PROM1: variants seen among roughly 807,000 people sequenced by gnomAD.
PROM1 encodes prominin 1.
Under a neutral mutation model 116.9 loss-of-function variants are expected in PROM1, and 105 were observed. The observed-to-expected ratio is 0.90, with a 90% CI of 0.77 to 1.06. The LOEUF (loss-of-function observed/expected upper bound fraction) is 1.06, where lower values mean the gene tolerates loss of function less well. Ranked by LOEUF, PROM1 falls within the 50% of genes least tolerant of loss-of-function variation. PROM1 has a pLI of 0.00. For synonymous variants in PROM1, 393 were observed against 387.0 expected (o/e 1.02, Z -0.18); for missense variants, 1,122 against 1,045.2 (o/e 1.07, Z -1.01).
At chr4:15,970,048 A>G (rs1044911197) in intron 27 of PROM1, among the ~76,000 whole-genome samples, 2 of 149,930 alleles carry the variant, frequency 1.3e-5, no homozygotes, top group African/African-American at 4.9e-5. Context: ...TGCATCTTTG[A>G]ACTCCTGGGC....
rs762880254 is a variant in PROM1, at chr4:15,989,798, C to T, written c.2010G>A (p.Leu670=). The T allele has an allele frequency of 1.1e-5, 17 of 1,607,854 alleles. No individual in the cohort carries two copies. The highest frequency in any genetic ancestry group is 6.7e-5 in the South Asian group (6 of 89,782). Residue 670 remains leucine, a synonymous_variant, in exon 19 of 28, where the codon CTG becomes CTA. Coordinates refer to ENST00000447510, the MANE Select transcript of PROM1 (RefSeq NM_006017.3). Reference sequence around the variant, plus strand: ...TTTTAATAGTTTGTGCATCTCTTTTCAGGGAGTTCCTCAAATTTCCTGGGG... The same window carrying T: ...TTTTAATAGTTTGTGCATCTCTTTTTAGGGAGTTCCTCAAATTTCCTGGGG... The part of the protein sequence containing the change: ...SLPPGNLRNS[L]KRDAQTIKTI...
chr4:16,034,942 C>T (rs1343854724), intron 4 of PROM1, among the ~76,000 whole-genome samples: 1 of 152,138 alleles, frequency 6.6e-6, no homozygotes, highest in Non-Finnish European at 1.5e-5. Context: ...AGCCAAGTGC[C>T]CAGCACACAG....
chr4:16,006,713 A>G lies in PROM1; in HGVS notation c.1302-23T>C, dbSNP rs749884511. On this transcript the variant is annotated intron_variant, in intron 12 of 27. Transcript: ENST00000447510. Reference sequence around the variant, plus strand: ...CACCTGGAGAGGCAAGCACAGTGTTAGTATACATGACACAGGTGACGCCAC... The same window carrying G: ...CACCTGGAGAGGCAAGCACAGTGTTGGTATACATGACACAGGTGACGCCAC... 1.9e-6 allele frequency: 3 copies of G among 1,610,592 alleles called. No homozygotes were observed. In the Admixed American group the frequency reaches 5.0e-5, roughly 27 times the overall value.
chr4:15,994,105 A>T (rs538833233), intron 15 of PROM1, 34 bp from the exon 16 acceptor site: 1 of 1,612,890 alleles, frequency 6.2e-7, no homozygotes, highest in African/African-American at 1.3e-5. Context: ...AGGACCTAGA[A>T]AAGCTGTTGC....
intron 3 of PROM1, among the ~76,000 whole-genome samples, chr4:16,038,345 A>G (rs1274486096): frequency 6.6e-6 from 1 of 152,260 alleles, no homozygotes; most frequent in Non-Finnish European, 1.5e-5. Context: ...CTCATCCCTC[A>G]GCTAAAAGAA....
In PROM1 at chr4:15,969,179, T is replaced by C. The variant is rs910659868; in HGVS notation, c.*214A>G. ...AAGGGAGGGAGTCATCCTTGAATAGTGATGGACCATGGACTATAACGTGAT... is the reference window on the plus strand; with the variant it reads ...AAGGGAGGGAGTCATCCTTGAATAGCGATGGACCATGGACTATAACGTGAT... On this transcript the variant is annotated 3_prime_UTR_variant, in exon 28 of 28. Coordinates refer to ENST00000447510, the MANE Select transcript of PROM1 (RefSeq NM_006017.3). 6.6e-6 allele frequency: 1 copy of C among 152,182 alleles called. No homozygotes were observed. Among genetic ancestry groups the C allele is most frequent in the Admixed American group, 6.5e-5 (1 of 15,274 alleles). The allele number at this position is 152,182 out of a possible 1,614,324, so 9.4% of individuals were successfully genotyped here. A position where few individuals can be genotyped will look rare whatever the true frequency, so the allele number is the denominator to read the frequency against.
At chr4:16,065,221 T>G (rs1412858922) in intron 2 of PROM1, among the ~76,000 whole-genome samples, 1 of 152,228 alleles carries the variant, frequency 6.6e-6, no homozygotes, top group East Asian at 1.9e-4. Flanking sequence ...GCCTCCAAGC[T>G]ACTCCTCAGA....
chr4:16,021,693 T>C (rs1240950125), intron 8 of PROM1, among the ~76,000 whole-genome samples: 1 of 152,076 alleles, frequency 6.6e-6, no homozygotes, highest in East Asian at 1.9e-4. Context: ...CCTCCAGAGG[T>C]GCATGTGTTG....
chr4:15,987,144 G>A (rs1049828873), intron 20 of PROM1, among the ~76,000 whole-genome samples: 7 of 152,208 alleles, frequency 4.6e-5, no homozygotes, highest in African/African-American at 1.2e-4. Context: ...CCAATGGAAC[G>A]CTGGTGAAGG....
chr4:16,022,134 GGAAA>G lies in PROM1; in HGVS notation c.784+1188_784+1191del, dbSNP rs1730067563. On this transcript the variant is annotated intron_variant, in intron 8 of 27. Coordinates refer to ENST00000447510, the MANE Select transcript of PROM1 (RefSeq NM_006017.3). ...GGGAAGGAGGGAAGAAGGGAAGGAG[GGAAA>G]GAAAGAAAGGGAGGGAGGGAGGGAG... is the stretch of plus-strand genomic sequence containing the variant. 2.0e-5 allele frequency among the ~76,000 whole-genome samples: 3 copies of G among 149,492 alleles called. No homozygotes were observed. The South Asian group carries it at 6.5e-4, about 32-fold the overall frequency.
rs1560532624 is a variant in PROM1, at chr4:16,033,303, C to T, written c.509+1G>A. On this transcript the variant is annotated splice_donor_variant, in intron 5 of 27. Transcript: ENST00000447510. LOFTEE classifies it high-confidence loss of function. ...CAGTTGTTGTCCAATATTGTACTTG[C>T]CTTATTATTATACAAATCACCAACA... 2.5e-6 allele frequency: 4 copies of T among 1,608,676 alleles called. No homozygotes were observed. Among genetic ancestry groups the T allele is most frequent in the African/African-American group, 1.3e-5 (1 of 74,878 alleles).
chr4:16,001,095 T>C (rs1039401237), intron 13 of PROM1, among the ~76,000 whole-genome samples: 15 of 152,188 alleles, frequency 9.9e-5, no homozygotes, highest in African/African-American at 3.4e-4. Flanking sequence ...GCTGTTATCA[T>C]GGCCCATGAG....
intron 2 of PROM1, among the ~76,000 whole-genome samples, chr4:16,039,913 A>G (rs1734806852): frequency 6.6e-6 from 1 of 152,068 alleles, no homozygotes; most frequent in South Asian, 2.1e-4. Context: ...CTGAGCAGCC[A>G]TCTAAGAATG....
At chr4:16,054,391 A>G (rs1279276181) in intron 2 of PROM1, among the ~76,000 whole-genome samples, 1 of 152,172 alleles carries the variant, frequency 6.6e-6, no homozygotes, top group Admixed American at 6.5e-5. Context: ...GTGACCAAAC[A>G]CATATCTTGA....
At chr4:16,060,521 C>T (rs989982958) in intron 2 of PROM1, among the ~76,000 whole-genome samples, 2 of 151,934 alleles carry the variant, frequency 1.3e-5, no homozygotes, top group Non-Finnish European at 2.9e-5. Flanking sequence ...CGCCATGTTG[C>T]CCAGCTGGTC....
chr4:16,023,021 C>G (rs2149329850), intron 8 of PROM1, among the ~76,000 whole-genome samples: 1 of 152,234 alleles, frequency 6.6e-6, no homozygotes, highest in Admixed American at 6.5e-5. Context: ...CGAAAACGGC[C>G]ACAGATGATA....
At chr4:16,048,755 C>T (rs775398877) in intron 2 of PROM1, among the ~76,000 whole-genome samples, 7 of 152,146 alleles carry the variant, frequency 4.6e-5, no homozygotes, top group African/African-American at 1.2e-4. Flanking sequence ...ACATGCTGCC[C>T]GGGAAGCTAT....
At chr4:15,984,916 T>C (rs1164729945) in intron 22 of PROM1, among the ~76,000 whole-genome samples, 3 of 152,226 alleles carry the variant, frequency 2.0e-5, no homozygotes, top group African/African-American at 7.2e-5. Flanking sequence ...GTGGAAAAAC[T>C]GTCTTCCACT....
intron 1 of PROM1, chr4:16,083,646 T>A (rs1331370609): frequency 6.5e-6 from 1 of 153,502 alleles, no homozygotes; most frequent in Non-Finnish European, 1.4e-5. Context: ...CGCTCCGGGA[T>A]GAGGACCCAG....
Sources: allele counts gnomAD v4.1 joint callset (sites outside exome capture counted in the v4.1 genomes callset), GRCh38; gene constraint gnomAD v4.1.1; transcripts MANE v1.5; gene names NCBI Gene and HGNC (gene_info 2026-07-23, HGNC 2026-07-21).